The following MRPS7 variants were observed in gnomAD, a reference collection of about 807,000 sequenced individuals.
MRPS7 encodes small ribosomal subunit protein uS7m.
MRPS7 carries 13 observed loss-of-function variants against 26.2 expected under a neutral mutation model. That is an observed-to-expected ratio of 0.50 (90% CI 0.32 to 0.79). MRPS7 has a LOEUF of 0.79. MRPS7 is among the 30% of genes least tolerant of loss of function. MRPS7 has a pLI of 0.03. For missense variants in MRPS7, 318 were observed against 312.2 expected, an observed-to-expected ratio of 1.02 and a Z score of -0.14; for synonymous variants, 129 against 113.3, an observed-to-expected ratio of 1.14 and a Z score of -0.88.
intron 1 of MRPS7, 147 bp from the exon 2 acceptor site, chr17:75,262,350 G>C: frequency 2.3e-6 from 2 of 865,422 alleles, no homozygotes; most frequent in Non-Finnish European, 3.7e-6. Flanking sequence ...TGGGACAAGG[G>C]CCTGAATTGT....
chr17:75,264,878 C>T (rs1307583075), intron 4 of MRPS7, among the ~76,000 whole-genome samples: 5 of 150,462 alleles, frequency 3.3e-5, no homozygotes, highest in Admixed American at 2.0e-4. Flanking sequence ...TTAGTAGAGA[C>T]AGGGTTTTGC....
At position 75,261,953 on chromosome 17, in the gene MRPS7, G is replaced by C. The variant is rs763109951; in HGVS notation, c.53G>C (p.Gly18Ala). 1.2e-5 allele frequency: 20 copies of C among 1,607,974 alleles called. No individual in the cohort carries two copies. In the African/African-American group the frequency reaches 1.3e-4, roughly 11 times the overall value. The change falls in exon 1 of 5, where the codon GGC becomes GCC. Residue 18 changes from glycine to alanine, a missense_variant. Transcript: ENST00000245539. ...CGAGGATGGTCGGGCCTGGCGTTGG[G>C]CGTGCGGCGGGCTGTCTTGCAGCTT... ...VARGWSGLAL[G>A]VRRAVLQLPG...
chr17:75,263,558 G>C (rs1163466534), intron 4 of MRPS7, 51 bp downstream of exon 4: 3 of 1,607,090 alleles, frequency 1.9e-6, no homozygotes, highest in African/African-American at 1.3e-5. Flanking sequence ...TGTGAAACAA[G>C]ATAGGTGGTG....
chr17:75,265,610 A>T, intron 4 of MRPS7, 92 bp from the exon 5 acceptor site: 2 of 1,115,964 alleles, frequency 1.8e-6, no homozygotes, highest in South Asian at 2.7e-5. Flanking sequence ...TCCAGAGGGA[A>T]CATGTGGCTA....
chr17:75,262,118 G>C, intron 1 of MRPS7, 135 bp downstream of exon 1: 1 of 1,053,356 alleles, frequency 9.5e-7, no homozygotes, highest in Non-Finnish European at 1.4e-6. Flanking sequence ...AGTTAGCTGC[G>C]TGACCCTGCG....
chr17:75,262,814 A>C lies in MRPS7; in HGVS notation c.286A>C (p.Asn96His), dbSNP rs749267277. ...FEDPVISKFT[N>H]MMMIGGNKVL... The stretch of plus-strand genomic sequence containing the variant: ...CTTTTCTCTTTGAAGTAAATTCACC[A>C]ACATGATGATGATAGGAGGAAACAA... The change falls in exon 3 of 5, where the codon AAC becomes CAC. Residue 96 changes from asparagine to histidine, a missense_variant. Coordinates refer to ENST00000245539, the MANE Select transcript of MRPS7 (RefSeq NM_015971.4). 11 of 1,614,146 alleles carry C rather than the reference A, an allele frequency of 6.8e-6. No homozygotes were observed. The highest frequency in any genetic ancestry group is 9.3e-6 in the Non-Finnish European group (11 of 1,180,020).
chr17:75,262,818 T>C lies in MRPS7; in HGVS notation c.290T>C (p.Met97Thr). 6.2e-7 allele frequency: 1 copy of C among 1,614,018 alleles called. No individual in the cohort carries two copies. Among genetic ancestry groups the C allele is most frequent in the Non-Finnish European group, 8.5e-7 (1 of 1,179,896 alleles). The change falls in exon 3 of 5, where the codon ATG becomes ACG. Residue 97 changes from methionine (M) to threonine (T), a missense_variant. Met to Thr is a moderately conservative substitution (Grantham distance 81). Coordinates refer to ENST00000245539, the MANE Select transcript of MRPS7 (RefSeq NM_015971.4). ...EDPVISKFTN[M>T]MMIGGNKVLA... ...TCTCTTTGAAGTAAATTCACCAACA[T>C]GATGATGATAGGAGGAAACAAAGTA...
intron 1 of MRPS7, 80 bp from the exon 2 acceptor site, chr17:75,262,417 C>A: frequency 6.8e-7 from 1 of 1,474,490 alleles, no homozygotes; most frequent in Non-Finnish European, 9.2e-7. Flanking sequence ...GGCGCGTTGG[C>A]AGTCATGCCT....
rs778523905 is a variant in MRPS7 at position 75,261,979 on chromosome 17, C to T, written c.79C>T (p.Pro27Ser). 1.9e-5 allele frequency: 30 copies of T among 1,588,842 alleles called. No homozygotes were observed. Among genetic ancestry groups the T allele is most frequent in the African/African-American group, 2.9e-5 (2 of 68,820 alleles). ...CGTGCGGCGGGCTGTCTTGCAGCTTCCAGGGTGAGAGGGTGGCGAGCAGCG... is the reference window on the plus strand; with the variant it reads ...CGTGCGGCGGGCTGTCTTGCAGCTTTCAGGGTGAGAGGGTGGCGAGCAGCG... Reference protein sequence around the residue: ...LGVRRAVLQLPGLTQVRWSRY... With the variant: ...LGVRRAVLQLSGLTQVRWSRY... Residue 27 changes from proline to serine, a missense_variant, in exon 1 of 5, where the codon CCA (proline) becomes TCA (serine). Transcript: ENST00000245539.
chr17:75,264,673 C>CT (rs34581252), intron 4 of MRPS7, among the ~76,000 whole-genome samples: 2,461 of 135,204 alleles, frequency 0.018, 82 homozygotes, highest in African/African-American at 0.059. Context: ...TTGTTTTTAA[C>CT]TTTTTTTTTT....
In MRPS7 at chr17:75,261,896, C is replaced by T; in HGVS notation, c.-5C>T. The T allele has an allele frequency of 2.5e-6, 4 of 1,608,120 alleles. No homozygotes were observed. Among genetic ancestry groups the T allele is most frequent in the African/African-American group, 1.3e-5 (1 of 75,042 alleles). On this transcript the variant is annotated 5_prime_UTR_variant, in exon 1 of 5. Transcript: ENST00000245539. ...GTCCTTGTGGGGTCCTCGTGGCCAG[C>T]CAAGATGGCTGCCCCCGCAGTGAAG... is the stretch of plus-strand genomic sequence containing the variant.
In MRPS7 at chr17:75,261,921, G is replaced by A. The variant is rs376833953; in HGVS notation, c.21G>A (p.Lys7=). 7 of 1,609,002 alleles carry A rather than the reference G, an allele frequency of 4.4e-6. No homozygotes were observed. Among genetic ancestry groups the A allele is most frequent in the South Asian group, 1.1e-5 (1 of 91,056 alleles). The change falls in exon 1 of 5, where the codon AAG becomes AAA. Residue 7 remains lysine, a synonymous_variant. Coordinates refer to ENST00000245539, the MANE Select transcript of MRPS7 (RefSeq NM_015971.4). ...CCAAGATGGCTGCCCCCGCAGTGAA[G>A]GTTGCCCGAGGATGGTCGGGCCTGG... MAAPAV[K]VARGWSGLAL...
rs780700831 is a variant in MRPS7 at position 75,262,791 on chromosome 17, T to C, written c.276-13T>C. On this transcript the variant is annotated splice_polypyrimidine_tract_variant and intron_variant, in intron 2 of 4. Coordinates refer to ENST00000245539, the MANE Select transcript of MRPS7 (RefSeq NM_015971.4). ...GCCTTGGAGAGCTAAACGTGTTGCTTTTCTCTTTGAAGTAAATTCACCAAC... is the reference window on the plus strand; with the variant it reads ...GCCTTGGAGAGCTAAACGTGTTGCTCTTCTCTTTGAAGTAAATTCACCAAC... The C allele has an allele frequency of 6.2e-7, 1 of 1,614,104 alleles. No individual in the cohort carries two copies. Among genetic ancestry groups the C allele is most frequent in the Non-Finnish European group, 8.5e-7 (1 of 1,179,996 alleles).
At position 75,265,738 on chromosome 17, in the gene MRPS7, C is replaced by T; in HGVS notation, c.544C>T (p.Leu182=). The T allele has an allele frequency of 6.2e-7, 1 of 1,614,136 alleles. No individual in the cohort carries two copies. Among genetic ancestry groups the T allele is most frequent in the Non-Finnish European group, 8.5e-7 (1 of 1,180,044 alleles). ...VPLPDRRRRF[L]AMKWMITECR... is the part of the protein sequence containing the mutation. ...CCTACCCGACCGGCGTCGCCGCTTC[C>T]TAGCCATGAAGTGGATGATCACTGA... The change falls in exon 5 of 5, where the codon CTA becomes TTA. Residue 182 remains leucine, a synonymous_variant. Transcript: ENST00000245539.
intron 3 of MRPS7, 154 bp from the exon 4 acceptor site, chr17:75,263,186 G>A: frequency 1.2e-6 from 1 of 862,790 alleles, no homozygotes; most frequent in Non-Finnish European, 1.8e-6. Context: ...AGCAAAGGGG[G>A]AGGCACTTAA....
chr17:75,265,786 C>T lies in MRPS7; in HGVS notation c.592C>T (p.Arg198Trp), dbSNP rs115547615. ...TGAGTGCCGGGATAAAAAGCACCAG[C>T]GGACACTGATGCCGGAGAAGCTGTC... ...ITECRDKKHQ[R>W]TLMPEKLSHK... Residue 198 changes from arginine (R) to tryptophan (W), a missense_variant, in exon 5 of 5, where the codon CGG becomes TGG. Transcript: ENST00000245539. 45 of 1,614,170 alleles carry T rather than the reference C, an allele frequency of 2.8e-5. No individual in the cohort carries two copies. Among genetic ancestry groups the T allele is most frequent in the Non-Finnish European group, 3.4e-5 (40 of 1,180,040 alleles).
rs1598478692 is a variant in MRPS7 at position 75,263,628 on chromosome 17, A to G, written c.507+121A>G. 3.1e-6 allele frequency: 4 copies of G among 1,300,008 alleles called. No individual in the cohort carries two copies. In the Admixed American group the frequency reaches 6.0e-5, roughly 19 times the overall value. 80.5% of individuals were successfully genotyped at this position (1,300,008 alleles called of 1,614,324 possible). On this transcript the variant is annotated intron_variant, in intron 4 of 4. Transcript: ENST00000245539. ...CTGGTGCAGTGGGATTGCACCTGTA[A>G]TCTCAGCACTTTGGGAGCCTAATGC...
Position 75,261,907 on chromosome 17 carries a change from G to A in MRPS7, c.7G>A (p.Ala3Thr). The change falls in exon 1 of 5, where the codon GCC (alanine) becomes ACC (threonine). Residue 3 changes from alanine to threonine, a missense_variant. Physicochemically the swap from Ala to Thr is moderately conservative, Grantham distance 58 (BLOSUM62 0). Transcript: ENST00000245539. The stretch of plus-strand genomic sequence containing the variant: ...GTCCTCGTGGCCAGCCAAGATGGCT[G>A]CCCCCGCAGTGAAGGTTGCCCGAGG... MAAPAVKVARGWS... is the reference protein window; with the variant it reads MATPAVKVARGWS... 2 of 1,608,596 alleles carry A rather than the reference G, an allele frequency of 1.2e-6. No homozygotes were observed. Among genetic ancestry groups the A allele is most frequent in the Non-Finnish European group, 8.5e-7 (1 of 1,179,708 alleles).
At chr17:75,264,446 G>C (rs979085510) in intron 4 of MRPS7, 3 of 152,214 alleles carry the variant, frequency 2.0e-5, no homozygotes, top group Admixed American at 2.0e-4. Flanking sequence ...TTGCTGAACA[G>C]TACTAGGTAT....
Sources: gnomAD v4.1 joint callset for allele counts (sites outside exome capture counted in the v4.1 genomes callset) on GRCh38, gnomAD v4.1.1 for gene constraint, MANE v1.5 for transcripts, NCBI Gene and HGNC (gene_info 2026-07-23, HGNC 2026-07-21) for gene names.